MLIP: variants seen among roughly 807,000 people sequenced by gnomAD.
The protein encoded by MLIP is muscular LMNA-interacting protein.
A neutral mutation model predicts 84.8 loss-of-function variants in MLIP; 79 were observed. That is an observed-to-expected ratio of 0.93 (90% CI 0.78 to 1.12). MLIP has a LOEUF of 1.12. Ranked by LOEUF, MLIP falls within the 50% of genes most tolerant of loss-of-function variation. MLIP has a pLI of 0.00. For synonymous variants in MLIP, 504 were observed against 463.0 expected (o/e 1.09, Z -1.14); for missense variants, 1,257 against 1,160.6 (o/e 1.08, Z -1.21).
chr6:54,142,590 C>T (rs1232637109), intron 4 of MLIP, among the ~76,000 whole-genome samples: 1 of 152,094 alleles, frequency 6.6e-6, no homozygotes, highest in African/African-American at 2.4e-5. Context: ...TAGCTGGGAG[C>T]CGGATCCTGT....
intron 12 of MLIP, among the ~76,000 whole-genome samples, chr6:54,237,642 C>A (rs1040688793): frequency 1.4e-5 from 2 of 145,862 alleles, no homozygotes; most frequent in Non-Finnish European, 3.0e-5. Context: ...GCCCAGGAGC[C>A]AGAGACCAGC....
chr6:54,172,640 T>C (rs1296867834), intron 9 of MLIP, among the ~76,000 whole-genome samples: 1 of 151,030 alleles, frequency 6.6e-6, no homozygotes, highest in Non-Finnish European at 1.5e-5. Context: ...AATGGTTTAA[T>C]AAAATAACAA....
At chr6:54,170,138 G>A (rs903697830) in intron 9 of MLIP, among the ~76,000 whole-genome samples, 7 of 151,716 alleles carry the variant, frequency 4.6e-5, no homozygotes, top group African/African-American at 1.7e-4. Context: ...CTCATCCCAA[G>A]GCCAGTGTTC....
intron 10 of MLIP, among the ~76,000 whole-genome samples, chr6:54,200,014 A>G (rs17755375): frequency 0.061 from 9,274 of 152,176 alleles, 474 homozygotes; most frequent in East Asian, 0.21. Flanking sequence ...GTCAGAGACA[A>G]CCATCAAATC....
intron 1 of MLIP, among the ~76,000 whole-genome samples, chr6:54,102,823 G>T (rs933264151): frequency 1.3e-5 from 2 of 152,056 alleles, no homozygotes; most frequent in Non-Finnish European, 2.9e-5. Flanking sequence ...TGTTCCAACT[G>T]GGGAGCCAGA....
At chr6:54,243,461 A>G (rs1444977079) in intron 12 of MLIP, among the ~76,000 whole-genome samples, 1 of 152,324 alleles carries the variant, frequency 6.6e-6, no homozygotes, top group East Asian at 1.9e-4. Flanking sequence ...ACTGGGGGGA[A>G]AAAGCAGGGA....
At chr6:54,160,694 T>C (rs1286412211) in intron 7 of MLIP, 46 bp from the exon 8 acceptor site, 2 of 1,518,666 alleles carry the variant, frequency 1.3e-6, no homozygotes, top group Non-Finnish European at 1.8e-6. Context: ...GCTTGTCCTT[T>C]TCTTTCCTTT....
At chr6:54,211,361 T>G (rs986222405) in intron 11 of MLIP, among the ~76,000 whole-genome samples, 1 of 152,254 alleles carries the variant, frequency 6.6e-6, no homozygotes, top group Non-Finnish European at 1.5e-5. Flanking sequence ...TTCTCTCTCT[T>G]AAGCTTAGGT....
chr6:54,063,907 G>A (rs1262417553), intron 1 of MLIP, among the ~76,000 whole-genome samples: 4 of 103,154 alleles, frequency 3.9e-5, no homozygotes, highest in African/African-American at 7.5e-5. Context: ...GTACACTTAC[G>A]GCTTCAAATT....
chr6:54,158,883 AT>A (rs542771882), intron 5 of MLIP, among the ~76,000 whole-genome samples: 4,218 of 134,664 alleles, frequency 0.031, 95 homozygotes, highest in Middle Eastern at 0.053. Context: ...AAAAAAAAAA[AT>A]TTTCAAAGGG....
intron 12 of MLIP, among the ~76,000 whole-genome samples, chr6:54,233,518 T>TG (rs1336466477): frequency 1.3e-5 from 2 of 152,226 alleles, no homozygotes; most frequent in Non-Finnish European, 2.9e-5. Flanking sequence ...TCATCCCTTT[T>TG]TATGACTGTA....
intron 13 of MLIP, among the ~76,000 whole-genome samples, chr6:54,261,366 T>C (rs1024452338): frequency 1.3e-5 from 2 of 152,036 alleles, no homozygotes; most frequent in South Asian, 2.1e-4. Flanking sequence ...TGAAGATCAA[T>C]TGATTTCCCA....
At chr6:54,165,373 T>C (rs1428768992) in intron 8 of MLIP, among the ~76,000 whole-genome samples, 1 of 151,884 alleles carries the variant, frequency 6.6e-6, no homozygotes, top group Non-Finnish European at 1.5e-5. Flanking sequence ...GAAAGATTCA[T>C]CAGAAGCTAG....
intron 1 of MLIP, among the ~76,000 whole-genome samples, chr6:54,099,113 T>G (rs1768444902): frequency 6.6e-6 from 1 of 152,258 alleles, no homozygotes; most frequent in African/African-American, 2.4e-5. Flanking sequence ...TGATCATCTA[T>G]TCTTCTTTAC....
chr6:54,146,840 A>G (rs529886826), intron 4 of MLIP, among the ~76,000 whole-genome samples: 60 of 152,326 alleles, frequency 3.9e-4, no homozygotes, highest in Non-Finnish European at 5.6e-4. Context: ...TGAAATGAGA[A>G]GCAAGGGCAT....
At chr6:54,056,981 A>G (rs766283043) in intron 1 of MLIP, among the ~76,000 whole-genome samples, 15 of 152,238 alleles carry the variant, frequency 9.9e-5, no homozygotes, top group Non-Finnish European at 2.1e-4. Flanking sequence ...AAAGAAAAGA[A>G]AATTGCTTAA....
At chr6:54,209,942 A>G (rs1199143156) in intron 11 of MLIP, among the ~76,000 whole-genome samples, 1 of 148,572 alleles carries the variant, frequency 6.7e-6, no homozygotes, top group Non-Finnish European at 1.5e-5. Context: ...AATTGTCATT[A>G]CTTGTGTTTT....
At chr6:54,118,782 T>A (rs1423002767) in intron 1 of MLIP, among the ~76,000 whole-genome samples, 1 of 151,886 alleles carries the variant, frequency 6.6e-6, no homozygotes, top group African/African-American at 2.4e-5. Context: ...AAAGGGTTAG[T>A]AACCAAAAAA....
intron 9 of MLIP, among the ~76,000 whole-genome samples, chr6:54,174,940 G>C (rs1415942865): frequency 6.6e-6 from 1 of 151,866 alleles, no homozygotes; most frequent in Admixed American, 6.6e-5. Context: ...CAAGATATAG[G>C]GGGTCTAGTT....
Sources: gnomAD v4.1 joint callset for allele counts (sites outside exome capture counted in the v4.1 genomes callset) on GRCh38, gnomAD v4.1.1 for gene constraint, MANE v1.5 for transcripts, NCBI Gene and HGNC (gene_info 2026-07-23, HGNC 2026-07-21) for gene names.